TCF12: variants seen among roughly 807,000 people sequenced by gnomAD.
The protein encoded by TCF12 is transcription factor 12.
In TCF12, 45 loss-of-function variants were observed where a neutral mutation model predicts 86.0. The observed-to-expected ratio is 0.52, with a 90% CI of 0.41 to 0.67. TCF12 has a LOEUF of 0.67. TCF12 is among the 30% of genes least tolerant of loss of function. The pLI, the probability that TCF12 is intolerant of heterozygous loss-of-function variation, is 0.00. For synonymous variants in TCF12, 330 were observed against 299.6 expected (o/e 1.10, Z -1.05); for missense variants, 881 against 859.9 (o/e 1.02, Z -0.31).
At chr15:56,950,056 C>T (rs1287098852) in intron 3 of TCF12, among the ~76,000 whole-genome samples, 2 of 152,202 alleles carry the variant, frequency 1.3e-5, no homozygotes, top group Non-Finnish European at 2.9e-5. Context: ...GGGAAACCAT[C>T]ACCACAATCA....
chr15:57,251,579 G>A (rs149660978), intron 14 of TCF12, among the ~76,000 whole-genome samples, 156 bp downstream of exon 14: 1 of 152,236 alleles, frequency 6.6e-6, no homozygotes, highest in East Asian at 1.9e-4. Context: ...AGACACATTG[G>A]GTATGCCTTT....
chr15:57,036,467 G>A (rs1205037501), intron 3 of TCF12, among the ~76,000 whole-genome samples: 1 of 152,138 alleles, frequency 6.6e-6, no homozygotes. Flanking sequence ...TACATTCCCA[G>A]CAGTAGCATA....
chr15:57,247,190 T>C (rs1281976820), intron 13 of TCF12: 7 of 600,912 alleles, frequency 1.2e-5, no homozygotes, highest in Non-Finnish European at 1.8e-5. Context: ...ATCACCATCA[T>C]AGCCCCCTCT....
chr15:57,146,362 T>C (rs1437550383), intron 5 of TCF12, among the ~76,000 whole-genome samples: 1 of 152,216 alleles, frequency 6.6e-6, no homozygotes, highest in Non-Finnish European at 1.5e-5. Flanking sequence ...ATGAAATTAC[T>C]AGATATACAA....
At chr15:56,932,349 A>G (rs2060283456) in intron 3 of TCF12, among the ~76,000 whole-genome samples, 1 of 152,226 alleles carries the variant, frequency 6.6e-6, no homozygotes, top group African/African-American at 2.4e-5. Context: ...CCTCAGAAGT[A>G]GCAAACTCTA....
intron 7 of TCF12, among the ~76,000 whole-genome samples, chr15:57,193,345 CT>C (rs1156445972): frequency 2.6e-5 from 4 of 152,198 alleles, no homozygotes; most frequent in African/African-American, 4.8e-5. Context: ...GCTGTCACCC[CT>C]ATCTAGTTCT....
intron 3 of TCF12, among the ~76,000 whole-genome samples, chr15:56,970,989 G>A (rs1420340181): frequency 6.6e-6 from 1 of 152,204 alleles, no homozygotes; most frequent in Non-Finnish European, 1.5e-5. Context: ...GAGAGGTTGA[G>A]GCTGTAGTGT....
At position 57,208,664 on chromosome 15, in the gene TCF12, C is replaced by T. The variant is rs183928215; in HGVS notation, c.579+10839C>T. 1.2e-3 allele frequency among the ~76,000 whole-genome samples: 182 copies of T among 150,686 alleles called. 1 individual carries two copies. Among genetic ancestry groups the T allele is most frequent in the African/African-American group, 4.1e-3 (170 of 41,006 alleles). On this transcript the variant is annotated intron_variant, in intron 8 of 20. Coordinates refer to ENST00000333725, the MANE Select transcript of TCF12 (RefSeq NM_207037.2). ...CCTCCCAAAGTCCTGGGATTACATG[C>T]GTGAGCCACTGCACCCAGCCTGGAA...
intron 4 of TCF12, among the ~76,000 whole-genome samples, chr15:57,084,235 T>C (rs1227861768): frequency 1.3e-5 from 2 of 152,232 alleles, no homozygotes; most frequent in Non-Finnish European, 2.9e-5. Flanking sequence ...CTTTAAATTA[T>C]GTAAAATGTG....
intron 4 of TCF12, among the ~76,000 whole-genome samples, chr15:57,081,690 A>G (rs1160350711): frequency 1.3e-5 from 2 of 152,090 alleles, no homozygotes; most frequent in Non-Finnish European, 2.9e-5. Flanking sequence ...GGCGCATGCC[A>G]CTACACCCGG....
intron 12 of TCF12, among the ~76,000 whole-genome samples, chr15:57,240,692 G>A (rs149200637): frequency 9.0e-4 from 136 of 151,952 alleles, no homozygotes; most frequent in African/African-American, 3.0e-3. Flanking sequence ...GACCAGCCTG[G>A]GCAACATAGC....
intron 3 of TCF12, among the ~76,000 whole-genome samples, chr15:57,040,364 C>G (rs1369113886): frequency 2.0e-5 from 3 of 152,140 alleles, no homozygotes; most frequent in Non-Finnish European, 2.9e-5. Context: ...GTAAATTGAT[C>G]TTATTCCATT....
intron 3 of TCF12, among the ~76,000 whole-genome samples, chr15:57,035,298 C>T (rs192401678): frequency 6.2e-4 from 94 of 152,286 alleles, no homozygotes; most frequent in South Asian, 1.2e-3. Flanking sequence ...GTGTCTTGCT[C>T]TGTCACCCAT....
chr15:56,918,350 C>A (rs921163813), upstream of TCF12: 2 of 435,568 alleles, frequency 4.6e-6, no homozygotes, highest in South Asian at 1.6e-5. Context: ...CGCGAGGAGG[C>A]GCCACGGTAC....
chr15:57,042,761 T>A (rs1478167632), intron 3 of TCF12, among the ~76,000 whole-genome samples: 1 of 152,166 alleles, frequency 6.6e-6, no homozygotes, highest in Non-Finnish European at 1.5e-5. Context: ...TACTTTTTTG[T>A]TTTTTATTGT....
intron 3 of TCF12, among the ~76,000 whole-genome samples, chr15:56,976,150 A>G (rs1398388193): frequency 6.6e-6 from 1 of 151,868 alleles, no homozygotes; most frequent in Non-Finnish European, 1.5e-5. Flanking sequence ...GGAAGGAAAG[A>G]ATTGAGCATT....
At position 57,288,269 on chromosome 15, in the gene TCF12, C is replaced by T. The variant is rs2061995388; in HGVS notation, c.*2124C>T. ...AGACCATAGTAGGATTCTAGCATAC[C>T]GTGTAGTACCTATGGAGTATTGTAA... On this transcript the variant is annotated 3_prime_UTR_variant, in exon 21 of 21. Transcript: ENST00000333725. 6.6e-6 allele frequency: 1 copy of T among 152,396 alleles called. No individual in the cohort carries two copies. Among genetic ancestry groups the T allele is most frequent in the African/African-American group, 2.4e-5 (1 of 41,372 alleles). 9.4% of individuals were successfully genotyped at this position (152,396 alleles called of 1,614,324 possible).
intron 19 of TCF12, among the ~76,000 whole-genome samples, chr15:57,277,615 GA>G (rs2061461415): frequency 7.1e-6 from 1 of 141,644 alleles, no homozygotes; most frequent in Non-Finnish European, 1.5e-5. Context: ...GCGACAGAGT[GA>G]GACTCCATCT....
At chr15:57,165,986 A>G (rs1484640299) in intron 5 of TCF12, among the ~76,000 whole-genome samples, 1 of 152,052 alleles carries the variant, frequency 6.6e-6, no homozygotes, top group East Asian at 1.9e-4. Context: ...AAAATACTAT[A>G]CGTTGAAAAT....
Sources: allele counts gnomAD v4.1 joint callset (sites outside exome capture counted in the v4.1 genomes callset), GRCh38; gene constraint gnomAD v4.1.1; transcripts MANE v1.5; gene names NCBI Gene and HGNC (gene_info 2026-07-23, HGNC 2026-07-21).